RNF103: variants seen among roughly 807,000 people sequenced by gnomAD.
RNF103 encodes the protein ring finger protein 103.
Under a neutral mutation model 66.2 loss-of-function variants are expected in RNF103, and 23 were observed. That is an observed-to-expected ratio of 0.35 (90% CI 0.25 to 0.49). The LOEUF is 0.49. Ranked by LOEUF, RNF103 falls within the 20% of genes least tolerant of loss-of-function variation. The probability of loss-of-function intolerance (pLI) is 0.98; values close to 1 mark genes in which losing one functional copy is unlikely to be tolerated. For synonymous variants in RNF103, 297 were observed against 289.9 expected (o/e 1.02, Z -0.25); for missense variants, 730 against 814.7 (o/e 0.90, Z 1.27).
At chr2:86,620,704 A>G (rs540665557) in intron 1 of RNF103, among the ~76,000 whole-genome samples, 4 of 152,198 alleles carry the variant, frequency 2.6e-5, no homozygotes, top group Non-Finnish European at 4.4e-5. Context: ...ACAAAAATCC[A>G]TCTCTTATAG....
In RNF103 at chr2:86,623,810, C is replaced by G. The variant is rs530851577; in HGVS notation, c.-924G>C. ...CCCCCGCCACCTCCGGAGACCGCGG[C>G]CGTACCCTCCACAACCGTGTATCAG... On this transcript the variant is annotated 5_prime_UTR_variant, in exon 1 of 4. Transcript: ENST00000237455. 1 of 1,284,948 alleles carries G rather than the reference C, an allele frequency of 7.8e-7. No individual in the cohort carries two copies. Among genetic ancestry groups the G allele is most frequent in the East Asian group, 5.8e-5 (1 of 17,350 alleles). The allele number at this position is 1,284,948 out of a possible 1,614,324, so 79.6% of individuals were successfully genotyped here.
Position 86,603,735 on chromosome 2 carries a change from C to CACTG in RNF103, c.*104_*107dup. 7.0e-7 allele frequency: 1 copy of CACTG among 1,434,486 alleles called. No homozygotes were observed. Among genetic ancestry groups the CACTG allele is most frequent in the Non-Finnish European group, 9.4e-7 (1 of 1,066,560 alleles). The allele number at this position is 1,434,486 out of a possible 1,614,324, so 88.9% of individuals were successfully genotyped here. A position where few individuals can be genotyped will look rare whatever the true frequency, so the allele number is the denominator to read the frequency against. ...CATTAGCATAATGTGTATTTCCCGT[C>CACTG]ACTGCACTAACATTAAACTAAACTT... On this transcript the variant is annotated 3_prime_UTR_variant, in exon 4 of 4. Transcript: ENST00000237455.
Position 86,623,848 on chromosome 2 carries a change from C to T in RNF103, c.-962G>A. 1 of 1,287,866 alleles carries T rather than the reference C, an allele frequency of 7.8e-7. No individual in the cohort carries two copies. The highest frequency in any genetic ancestry group is 1.0e-6 in the Non-Finnish European group (1 of 988,274). The allele number at this position is 1,287,866 out of a possible 1,614,324, so 79.8% of individuals were successfully genotyped here. A position where few individuals can be genotyped will look rare whatever the true frequency, so the allele number is the denominator to read the frequency against. ...AACCGTGTATCAGCGGCGGCCGCGG[C>T]CGGAGCCGAGACATAACAACTGACG... On this transcript the variant is annotated 5_prime_UTR_variant, in exon 1 of 4. Coordinates refer to ENST00000237455, the MANE Select transcript of RNF103 (RefSeq NM_005667.4).
chr2:86,603,770 A>C lies in RNF103; in HGVS notation c.*73T>G. The stretch of plus-strand genomic sequence containing the variant: ...ACATTAAACTAAACTTCAAACCACA[A>C]AAACATTGTGACTAACATTAAAAAG... On this transcript the variant is annotated 3_prime_UTR_variant, in exon 4 of 4. Transcript: ENST00000237455. 6.6e-7 allele frequency: 1 copy of C among 1,526,544 alleles called. No individual in the cohort carries two copies. Among genetic ancestry groups the C allele is most frequent in the Non-Finnish European group, 8.8e-7 (1 of 1,139,654 alleles). The allele number at this position is 1,526,544 out of a possible 1,614,324, so 94.6% of individuals were successfully genotyped here. A position where few individuals can be genotyped will look rare whatever the true frequency, so the allele number is the denominator to read the frequency against.
chr2:86,614,682 T>G (rs1392384498), intron 2 of RNF103: 1 of 842,174 alleles, frequency 1.2e-6, no homozygotes, highest in East Asian at 1.2e-4. Flanking sequence ...CTCTTGTTCT[T>G]TATTTTATTT....
intron 3 of RNF103, 120 bp from the exon 4 acceptor site, chr2:86,605,538 G>T: frequency 2.0e-6 from 2 of 999,020 alleles, no homozygotes; most frequent in South Asian, 4.1e-5. Flanking sequence ...ATCAAAAAGT[G>T]GTACCACTAC....
intron 2 of RNF103, chr2:86,614,702 TGCTACCAC>T: frequency 1.5e-6 from 1 of 665,364 alleles, no homozygotes. Flanking sequence ...TTATTTTTAT[TGCTACCAC>T]TCAAGAGTCA....
Position 86,623,349 on chromosome 2 carries a change from G to T in RNF103, c.-463C>A. On this transcript the variant is annotated 5_prime_UTR_variant, in exon 1 of 4. Transcript: ENST00000237455. ...CCGCCCAGGAGGCGGGGATCCGGGC[G>T]GCAGGCCGGGGCCCGAGGGGCCGTG... is the stretch of plus-strand genomic sequence containing the variant. 1 of 983,786 alleles carries T rather than the reference G, an allele frequency of 1.0e-6. No individual in the cohort carries two copies. The highest frequency in any genetic ancestry group is 6.2e-5 in the Admixed American group (1 of 16,158). 60.9% of individuals were successfully genotyped at this position (983,786 alleles called of 1,614,324 possible).
In RNF103 at chr2:86,605,265, A is replaced by G. The variant is rs767159180; in HGVS notation, c.636T>C (p.Ser212=). 5 of 1,614,048 alleles carry G rather than the reference A, an allele frequency of 3.1e-6. No homozygotes were observed. Among genetic ancestry groups the G allele is most frequent in the Admixed American group, 1.7e-5 (1 of 60,006 alleles). The part of the protein sequence containing the change: ...IFKWITAHAA[S]RIKTIYNAEH... The stretch of plus-strand genomic sequence containing the variant: ...CAGCATTATAAATGGTTTTGATCCG[A>G]GAAGCTGCATGAGCAGTTATCCATT... The change falls in exon 4 of 4, where the codon TCT becomes TCC. Residue 212 remains serine, a synonymous_variant. Transcript: ENST00000237455.
At chr2:86,620,731 T>C (rs1679199708) in intron 1 of RNF103, among the ~76,000 whole-genome samples, 1 of 152,240 alleles carries the variant, frequency 6.6e-6, no homozygotes, top group African/African-American at 2.4e-5. Context: ...GCTTATATTT[T>C]AGTGGGGTTA....
At chr2:86,613,135 CT>C (rs1678863515) in intron 2 of RNF103, 2 of 152,314 alleles carry the variant, frequency 1.3e-5, no homozygotes. Context: ...TGGCAGGCAC[CT>C]ATAGTCCCAG....
Position 86,604,620 on chromosome 2 carries a change from A to G in RNF103, c.1281T>C (p.His427=). The stretch of plus-strand genomic sequence containing the variant: ...TCTCAAAGTAATCAATTAGTAAACC[A>G]TGACCAAGGTATGTACTGAGAAACA... ...PALFLSTYLG[H]GLLIDYFEKK... Residue 427 remains histidine, a synonymous_variant, in exon 4 of 4, where the codon CAT becomes CAC. Coordinates refer to ENST00000237455, the MANE Select transcript of RNF103 (RefSeq NM_005667.4). The G allele has an allele frequency of 1.2e-6, 2 of 1,614,194 alleles. No individual in the cohort carries two copies. The highest frequency in any genetic ancestry group is 1.7e-6 in the Non-Finnish European group (2 of 1,180,040).
intron 3 of RNF103, among the ~76,000 whole-genome samples, chr2:86,606,318 G>A (rs1042499459): frequency 6.6e-6 from 1 of 152,066 alleles, no homozygotes; most frequent in Non-Finnish European, 1.5e-5. Context: ...TAGGATATTT[G>A]TGATATCCAT....
At chr2:86,622,399 AAAC>A (rs1465773316) in intron 1 of RNF103, among the ~76,000 whole-genome samples, 1 of 152,244 alleles carries the variant, frequency 6.6e-6, no homozygotes, top group East Asian at 1.9e-4. Context: ...TCAACTTAGT[AAAC>A]AACGCTAAGA....
rs1194826613 is a variant in RNF103, at chr2:86,620,479, G to A, written c.227-10C>T. On this transcript the variant is annotated splice_polypyrimidine_tract_variant and intron_variant, in intron 1 of 3. Transcript: ENST00000237455. ...CCCTCCATCAAGTCACCTGAAGAAAGGAAAAGAATAACACTAATAAGGTTG... is the reference window on the plus strand; with the variant it reads ...CCCTCCATCAAGTCACCTGAAGAAAAGAAAAGAATAACACTAATAAGGTTG... 7 of 1,557,760 alleles carry A rather than the reference G, an allele frequency of 4.5e-6. No individual in the cohort carries two copies. Among genetic ancestry groups the A allele is most frequent in the Non-Finnish European group, 6.1e-6 (7 of 1,144,308 alleles).
Position 86,623,847 on chromosome 2 carries a change from G to GCCGGAGCCGAGA in RNF103, c.-973_-962dup. The GCCGGAGCCGAGA allele has an allele frequency of 7.8e-7, 1 of 1,287,902 alleles. No homozygotes were observed. Among genetic ancestry groups the GCCGGAGCCGAGA allele is most frequent in the Non-Finnish European group, 1.0e-6 (1 of 988,276 alleles). 79.8% of individuals were successfully genotyped at this position (1,287,902 alleles called of 1,614,324 possible). A position where few individuals can be genotyped will look rare whatever the true frequency, so the allele number is the denominator to read the frequency against. ...CAACCGTGTATCAGCGGCGGCCGCGGCCGGAGCCGAGACATAACAACTGAC... is the reference window on the plus strand; with the variant it reads ...CAACCGTGTATCAGCGGCGGCCGCGGCCGGAGCCGAGACCGGAGCCGAGACATAACAACTGAC... On this transcript the variant is annotated 5_prime_UTR_variant, in exon 1 of 4. Transcript: ENST00000237455.
chr2:86,623,684 C>T lies in RNF103; in HGVS notation c.-798G>A, dbSNP rs1010650003. The T allele has an allele frequency of 6.6e-6, 8 of 1,218,352 alleles. No homozygotes were observed. The highest frequency in any genetic ancestry group is 1.6e-5 in the African/African-American group (1 of 60,726). 75.5% of individuals were successfully genotyped at this position (1,218,352 alleles called of 1,614,324 possible). On this transcript the variant is annotated 5_prime_UTR_variant, in exon 1 of 4. Transcript: ENST00000237455. ...CGGAGGGAAAAAACCAATAATAGGC[C>T]CCGAGACTGCTCCTCCAGGCGGCTA...
intron 3 of RNF103, 62 bp from the exon 4 acceptor site, chr2:86,605,480 G>A (rs755758658): frequency 1.2e-5 from 18 of 1,499,224 alleles, no homozygotes; most frequent in Non-Finnish European, 1.6e-5. Flanking sequence ...TATCTTCCCT[G>A]ACAAATTTCT....
chr2:86,605,041 GATGGCATATTATATATGC>G lies in RNF103; in HGVS notation c.842_859del (p.Gly281_Ser287delinsAla). ...TCCTTCAGGAGTTCTAAGTATGTAT[GATGGCATATTATATATGC>G]CAATATCTGTCATATAACTCTTGTT... On this transcript the variant is annotated inframe_deletion, in exon 4 of 4. Transcript: ENST00000237455. 6.2e-7 allele frequency: 1 copy of G among 1,614,086 alleles called. No individual in the cohort carries two copies. The highest frequency in any genetic ancestry group is 8.5e-7 in the Non-Finnish European group (1 of 1,180,004).
Sources: gnomAD v4.1 joint callset for allele counts (sites outside exome capture counted in the v4.1 genomes callset) on GRCh38, gnomAD v4.1.1 for gene constraint, MANE v1.5 for transcripts, NCBI Gene and HGNC (gene_info 2026-07-23, HGNC 2026-07-21) for gene names.